The following ZNF573 variants were observed in gnomAD, a reference collection of about 807,000 sequenced individuals.
ZNF573 encodes zinc finger protein 573.
ZNF573 carries 41 observed loss-of-function variants against 57.4 expected under a neutral mutation model. The ratio of observed to expected loss-of-function variants is 0.71; its 90% CI spans 0.56 to 0.93. The LOEUF is 0.93. Among genes scored for constraint, ZNF573 ranks in the 40% least tolerant of loss-of-function variants. The pLI, the probability that ZNF573 is intolerant of heterozygous loss-of-function variation, is 0.00. For missense variants in ZNF573, 730 were observed against 794.8 expected, an observed-to-expected ratio of 0.92 and a Z score of 0.98; for synonymous variants, 249 against 261.0, an observed-to-expected ratio of 0.95 and a Z score of 0.44.
chr19:37,779,495 C>A (rs1019909056), intron 1 of ZNF573, 49 bp downstream of exon 1: 7 of 152,232 alleles, frequency 4.6e-5, no homozygotes, highest in African/African-American at 1.7e-4. Flanking sequence ...CCAGAGCCCT[C>A]CCTGCGAGTA....
chr19:37,770,038 A>G lies in ZNF573; in HGVS notation c.262T>C (p.Trp88Arg). 1.3e-6 allele frequency: 2 copies of G among 1,552,024 alleles called. No individual in the cohort carries two copies. The highest frequency in any genetic ancestry group is 1.7e-6 in the Non-Finnish European group (2 of 1,147,236). ...TGTGTTTCTTCCCTCAAAATCATCC[A>G]GGGCTCTTTTCCTCGCTCCAGTAAA... ...VDLLERGKEPWMILREETQFT... is the reference protein window; with the variant it reads ...VDLLERGKEPRMILREETQFT... Residue 88 changes from tryptophan (W) to arginine (R), a missense_variant, in exon 4 of 5, where the codon TGG becomes CGG. By Grantham distance (101) the Trp-to-Arg change is moderately radical. Coordinates refer to ENST00000536220, the MANE Select transcript of ZNF573 (RefSeq NM_001172690.2).
At chr19:37,749,057 A>G (rs2045409553) in intron 4 of ZNF573, among the ~76,000 whole-genome samples, 1 of 152,048 alleles carries the variant, frequency 6.6e-6, no homozygotes, top group Non-Finnish European at 1.5e-5. Context: ...TCTATAGTAG[A>G]TAAGACTACA....
At chr19:37,740,333 A>G (rs1242367347) in intron 4 of ZNF573, 139 bp from the exon 5 acceptor site, 5 of 743,068 alleles carry the variant, frequency 6.7e-6, no homozygotes, top group Non-Finnish European at 8.5e-6. Flanking sequence ...AAATTTGAAA[A>G]AGGCCAAAAA....
chr19:37,769,727 G>GA (rs397944905), intron 4 of ZNF573, among the ~76,000 whole-genome samples: 2,889 of 53,980 alleles, frequency 0.054, 47 homozygotes, highest in Non-Finnish European at 0.072. Flanking sequence ...CTCTGTCTCG[G>GA]AAAAAAAAAA....
In ZNF573 at chr19:37,739,745, G is replaced by A; in HGVS notation, c.745C>T (p.Gln249Ter). 2 of 1,613,724 alleles carry A rather than the reference G, an allele frequency of 1.2e-6. No individual in the cohort carries two copies. The highest frequency in any genetic ancestry group is 1.3e-5 in the African/African-American group (1 of 74,938). ...TGACTAAAGGCCCTCCCACACTCCT[G>A]ACATTCATACGGCTTCCCACCAGTG... ...IHTGGKPYEC[Q>*]ECGRAFSQGG... is the part of the protein sequence containing the mutation. The change falls in exon 5 of 5, where the codon CAG (glutamine) becomes TAG (stop). Residue 249 changes from glutamine to a stop codon, truncating the protein, a stop_gained. Transcript: ENST00000536220. LOFTEE classifies it high-confidence loss of function.
intron 4 of ZNF573, among the ~76,000 whole-genome samples, chr19:37,757,493 G>A (rs931066400): frequency 4.6e-5 from 7 of 151,986 alleles, no homozygotes; most frequent in African/African-American, 7.3e-5. Context: ...TACCGCGCCC[G>A]GCCCACACTA....
At chr19:37,740,684 C>G in intron 4 of ZNF573, 1 of 443,938 alleles carries the variant, frequency 2.3e-6, no homozygotes, top group South Asian at 1.6e-5. Context: ...GCTTCCTATT[C>G]TCTATCATAG....
intron 2 of ZNF573, 104 bp downstream of exon 2, chr19:37,773,557 G>A: frequency 1.2e-6 from 1 of 804,790 alleles, no homozygotes. Flanking sequence ...AGTGGGGACA[G>A]ATAACTGAAG....
intron 1 of ZNF573, among the ~76,000 whole-genome samples, chr19:37,774,833 C>T (rs2045692888): frequency 6.6e-6 from 1 of 152,128 alleles, no homozygotes; most frequent in Non-Finnish European, 1.5e-5. Context: ...CTTTTAGTTG[C>T]TATCTTGATT....
chr19:37,749,145 T>A (rs1262940165), intron 4 of ZNF573, among the ~76,000 whole-genome samples: 3 of 151,446 alleles, frequency 2.0e-5, no homozygotes, highest in African/African-American at 7.3e-5. Context: ...AGAGGTGAAA[T>A]TTAATGACAA....
chr19:37,779,392 C>A (rs894257712), intron 1 of ZNF573, among the ~76,000 whole-genome samples, 152 bp downstream of exon 1: 3 of 152,182 alleles, frequency 2.0e-5, no homozygotes, highest in Non-Finnish European at 4.4e-5. Flanking sequence ...ATTCCGATAA[C>A]AACTGGCCGT....
chr19:37,754,319 A>G (rs1052094843), intron 4 of ZNF573, among the ~76,000 whole-genome samples: 15 of 152,146 alleles, frequency 9.9e-5, no homozygotes, highest in African/African-American at 3.6e-4. Flanking sequence ...CAGGAATTTA[A>G]GACCAGCCTG....
chr19:37,738,366 T>C lies in ZNF573; in HGVS notation c.*126A>G. The C allele has an allele frequency of 1.0e-6, 1 of 1,001,732 alleles. No individual in the cohort carries two copies. Among genetic ancestry groups the C allele is most frequent in the Non-Finnish European group, 1.4e-6 (1 of 729,710 alleles). 62.1% of individuals were successfully genotyped at this position (1,001,732 alleles called of 1,614,324 possible). On this transcript the variant is annotated 3_prime_UTR_variant, in exon 5 of 5. Coordinates refer to ENST00000536220, the MANE Select transcript of ZNF573 (RefSeq NM_001172690.2). ...AGGACTGACATTGAATGCTTTCTAA[T>C]GTGGCAAGATCTGCATTTTGAACTC...
intron 1 of ZNF573, among the ~76,000 whole-genome samples, chr19:37,777,830 C>T (rs1320296628): frequency 6.7e-6 from 1 of 149,062 alleles, no homozygotes; most frequent in Non-Finnish European, 1.5e-5. Context: ...GGTCAGGAGA[C>T]TGAGACCACG....
intron 4 of ZNF573, among the ~76,000 whole-genome samples, chr19:37,744,757 GA>G (rs957486847): frequency 1.8e-3 from 198 of 111,970 alleles, no homozygotes; most frequent in African/African-American, 5.6e-3. Flanking sequence ...AAAAAAAAAA[GA>G]AAAAAAAAAA....
chr19:37,740,761 G>T, intron 4 of ZNF573: 1 of 348,078 alleles, frequency 2.9e-6, no homozygotes, highest in Non-Finnish European at 5.6e-6. Context: ...TCAGTTCCAG[G>T]ACCTCCTGCA....
chr19:37,748,926 C>CAAAAA (rs35400830), intron 4 of ZNF573, among the ~76,000 whole-genome samples: 4 of 70,676 alleles, frequency 5.7e-5, no homozygotes, highest in African/African-American at 1.1e-4. Flanking sequence ...GACTTGGTCT[C>CAAAAA]AAAAAAAAAA....
At chr19:37,742,091 T>C (rs1024410054) in intron 4 of ZNF573, among the ~76,000 whole-genome samples, 1 of 151,972 alleles carries the variant, frequency 6.6e-6, no homozygotes, top group African/African-American at 2.4e-5. Flanking sequence ...ACAAAGAGAA[T>C]GAAATACGTA....
intron 4 of ZNF573, among the ~76,000 whole-genome samples, chr19:37,756,330 G>A (rs2045487620): frequency 6.6e-6 from 1 of 152,078 alleles, no homozygotes; most frequent in Admixed American, 6.6e-5. Flanking sequence ...GCTTTATGAG[G>A]GCTGAAAAAT....
Sources: allele counts gnomAD v4.1 joint callset (sites outside exome capture counted in the v4.1 genomes callset), GRCh38; gene constraint gnomAD v4.1.1; transcripts MANE v1.5; gene names NCBI Gene and HGNC (gene_info 2026-07-23, HGNC 2026-07-21).